Variants in STAU2 observed in about 807,000 individuals in gnomAD.
STAU2 encodes the protein staufen double-stranded RNA binding protein 2.
A neutral mutation model predicts 65.9 loss-of-function variants in STAU2; 20 were observed. The observed-to-expected ratio is 0.30, with a 90% CI of 0.21 to 0.44. The LOEUF is 0.44. Among genes scored for constraint, STAU2 ranks in the 20% least tolerant of loss-of-function variants. STAU2 has a pLI of 1.00. For synonymous variants in STAU2, 232 were observed against 233.9 expected (o/e 0.99, Z 0.07); for missense variants, 558 against 683.9 (o/e 0.82, Z 2.05).
At chr8:73,488,507 A>G (rs1051687260) in intron 13 of STAU2, among the ~76,000 whole-genome samples, 9 of 152,000 alleles carry the variant, frequency 5.9e-5, no homozygotes, top group African/African-American at 2.2e-4. Context: ...AACTTTAAAA[A>G]TCACCTTGAG....
At chr8:73,691,731 G>A (rs1194461718) in intron 4 of STAU2, among the ~76,000 whole-genome samples, 1 of 152,064 alleles carries the variant, frequency 6.6e-6, no homozygotes, top group Non-Finnish European at 1.5e-5. Context: ...CTCCGGCCCT[G>A]GTTCCTAACA....
chr8:73,434,584 C>A (rs972085374), intron 13 of STAU2, among the ~76,000 whole-genome samples: 1 of 151,854 alleles, frequency 6.6e-6, no homozygotes, highest in East Asian at 1.9e-4. Flanking sequence ...TCTCTCTGAG[C>A]CTCTTTTTCA....
intron 11 of STAU2, among the ~76,000 whole-genome samples, chr8:73,588,595 T>A (rs1810545656): frequency 6.6e-6 from 1 of 152,044 alleles, no homozygotes; most frequent in Non-Finnish European, 1.5e-5. Flanking sequence ...GGGGGAAGGG[T>A]AGAAACAAAT....
chr8:73,609,468 A>G (rs867432856), intron 9 of STAU2, among the ~76,000 whole-genome samples: 1 of 152,098 alleles, frequency 6.6e-6, no homozygotes, highest in African/African-American at 2.4e-5. Flanking sequence ...CCTGGCCAAC[A>G]TGGTTAAACA....
chr8:73,506,209 AT>A (rs1216764966), intron 13 of STAU2, among the ~76,000 whole-genome samples: 1 of 152,174 alleles, frequency 6.6e-6, no homozygotes, highest in Non-Finnish European at 1.5e-5. Context: ...ACTTGTGCAA[AT>A]GTCACCATAA....
At chr8:73,688,529 T>TGTAG in intron 5 of STAU2, 125 bp downstream of exon 5, 1 of 787,238 alleles carries the variant, frequency 1.3e-6, no homozygotes, top group African/African-American at 1.7e-5. Flanking sequence ...TGTGTGTGTG[T>TGTAG]GTAGGTATGG....
intron 13 of STAU2, among the ~76,000 whole-genome samples, chr8:73,477,087 A>C (rs1038734887): frequency 6.6e-6 from 1 of 152,112 alleles, no homozygotes; most frequent in Non-Finnish European, 1.5e-5. Flanking sequence ...GGAAGAATTA[A>C]CCGGGTAGGT....
chr8:73,423,365 G>A (rs1359756065), intron 13 of STAU2, among the ~76,000 whole-genome samples: 1 of 152,200 alleles, frequency 6.6e-6, no homozygotes, highest in African/African-American at 2.4e-5. Context: ...CTGTATAGCT[G>A]GGAGGCACCA....
chr8:73,433,926 G>C (rs564081252), intron 13 of STAU2, among the ~76,000 whole-genome samples: 1 of 151,824 alleles, frequency 6.6e-6, no homozygotes, highest in South Asian at 2.1e-4. Flanking sequence ...TCTGTGTGGC[G>C]GGCAGAATCG....
At chr8:73,561,304 T>A in intron 12 of STAU2, 1 of 325,078 alleles carries the variant, frequency 3.1e-6, no homozygotes, top group African/African-American at 2.2e-5. Context: ...GTTGGCTTAT[T>A]TAGAAGAAAT....
intron 13 of STAU2, among the ~76,000 whole-genome samples, chr8:73,430,267 T>C (rs7839048): frequency 0.74 from 112,997 of 152,114 alleles, 42,874 homozygotes; most frequent in East Asian, 0.92. Context: ...GTGAAGCGAA[T>C]AAAAATCAAG....
At position 73,736,731 on chromosome 8, in the gene STAU2, TG is replaced by T. The variant is rs566563401; in HGVS notation, c.-18+1552del. ...CAAGGTGGTAAATGCTACATGAGTTTGGAGCTCAGAAAAAAAAGGTCTAGAC... is the reference window on the plus strand; with the variant it reads ...CAAGGTGGTAAATGCTACATGAGTTTGAGCTCAGAAAAAAAAGGTCTAGAC... On this transcript the variant is annotated intron_variant, in intron 3 of 14. Coordinates refer to ENST00000524300, the MANE Select transcript of STAU2 (RefSeq NM_001164380.2). 3.3e-3 allele frequency among the ~76,000 whole-genome samples: 497 copies of T among 152,304 alleles called. 1 individual carries two copies. The highest frequency in any genetic ancestry group is 0.011 in the South Asian group (55 of 4,816).
At chr8:73,665,482 C>G (rs993237084) in intron 6 of STAU2, among the ~76,000 whole-genome samples, 1 of 152,184 alleles carries the variant, frequency 6.6e-6, no homozygotes, top group African/African-American at 2.4e-5. Context: ...ATGTTGTATA[C>G]TTGGATGACT....
intron 13 of STAU2, among the ~76,000 whole-genome samples, chr8:73,506,830 A>G (rs1362375887): frequency 6.6e-6 from 1 of 152,222 alleles, no homozygotes; most frequent in Non-Finnish European, 1.5e-5. Context: ...TTTTATAAAC[A>G]AAGTTTGTGT....
chr8:73,692,633 G>A (rs964008227), intron 4 of STAU2, among the ~76,000 whole-genome samples: 2 of 152,190 alleles, frequency 1.3e-5, no homozygotes, highest in Non-Finnish European at 2.9e-5. Flanking sequence ...AGAGGGTGCT[G>A]AGAGCCCCCG....
chr8:73,661,666 G>T (rs1161432154), intron 6 of STAU2, among the ~76,000 whole-genome samples: 2 of 152,110 alleles, frequency 1.3e-5, no homozygotes, highest in South Asian at 4.1e-4. Flanking sequence ...GCCTATTCTA[G>T]AATTCCACAA....
At chr8:73,698,233 A>G (rs1220078856) in intron 4 of STAU2, among the ~76,000 whole-genome samples, 1 of 152,226 alleles carries the variant, frequency 6.6e-6, no homozygotes, top group Non-Finnish European at 1.5e-5. Context: ...GAAGACAGGA[A>G]GAAAGGAAAG....
intron 12 of STAU2, among the ~76,000 whole-genome samples, chr8:73,577,693 T>TC (rs1319262796): frequency 1.3e-5 from 2 of 151,884 alleles, no homozygotes; most frequent in Non-Finnish European, 2.9e-5. Context: ...TAAGTCAGAG[T>TC]CCCATCAGCA....
intron 13 of STAU2, among the ~76,000 whole-genome samples, chr8:73,530,516 T>C (rs1177122849): frequency 6.6e-6 from 1 of 152,102 alleles, no homozygotes; most frequent in African/African-American, 2.4e-5. Flanking sequence ...TCTAAGAGAA[T>C]AGCTGATACA....
Sources: allele counts gnomAD v4.1 joint callset (sites outside exome capture counted in the v4.1 genomes callset), GRCh38; gene constraint gnomAD v4.1.1; transcripts MANE v1.5; gene names NCBI Gene and HGNC (gene_info 2026-07-23, HGNC 2026-07-21).